Variants in ABCC8 observed in about 807,000 individuals in gnomAD.
ABCC8 encodes the protein ATP-binding cassette sub-family C member 8.
Under a neutral mutation model 188.0 loss-of-function variants are expected in ABCC8, and 137 were observed. The ratio of observed to expected loss-of-function variants is 0.73; its 90% CI spans 0.63 to 0.84. The LOEUF is 0.84. Ranked by LOEUF, ABCC8 falls within the 40% of genes least tolerant of loss-of-function variation. ABCC8 has a pLI of 0.00. For synonymous variants in ABCC8, 797 were observed against 846.5 expected (o/e 0.94, Z 1.01); for missense variants, 1,750 against 2,072.7 (o/e 0.84, Z 3.02).
rs1953707498 is a variant in ABCC8 at position 17,393,033 on chromosome 11, C to T, written c.4704G>A (p.Arg1568=). The T allele has an allele frequency of 3.1e-6, 5 of 1,614,078 alleles. No individual in the cohort carries two copies. Among genetic ancestry groups the T allele is most frequent in the Non-Finnish European group, 4.2e-6 (5 of 1,180,062 alleles). ...CGAAGGAGGCGAAGACGCTGTCCTT[C>T]CGGCTGAGCAGCTTCTCTGGCTTAT... ...EFDKPEKLLS[R]KDSVFASFVR... The change falls in exon 39 of 39, where the codon CGG becomes CGA. Residue 1568 remains arginine, a synonymous_variant. Transcript: ENST00000389817.
At position 17,398,410 on chromosome 11, in the gene ABCC8, C is replaced by T. The variant is rs758995284; in HGVS notation, c.3682G>A (p.Glu1228Lys). 2.4e-5 allele frequency: 38 copies of T among 1,613,982 alleles called. No individual in the cohort carries two copies. Among genetic ancestry groups the T allele is most frequent in the East Asian group, 1.1e-4 (5 of 44,896 alleles). Reference protein sequence around the residue: ...YEARFQQKLLEYTDSNNIASL... With the variant: ...YEARFQQKLLKYTDSNNIASL... ...GCAATGTTGTTGGAGTCTGTGTATT[C>T]GAGAAGCTTCTGCTGGAACCGGGCC... Residue 1228 changes from glutamate to lysine, a missense_variant, in exon 30 of 39, where the codon GAA (glutamate) becomes AAA (lysine). Physicochemically the swap from Glu to Lys is moderately conservative, Grantham distance 56. Transcript: ENST00000389817.
At chr11:17,399,186 T>G (rs56731620) in intron 29 of ABCC8, 27,145 of 141,816 alleles carry the variant, frequency 0.19, 4,317 homozygotes, top group African/African-American at 0.45. Flanking sequence ...GAAGCCAGGA[T>G]AATTGCTTGA....
At chr11:17,437,091 CAAAAAAAAAAAA>C (rs71047551) in intron 10 of ABCC8, among the ~76,000 whole-genome samples, 3 of 55,060 alleles carry the variant, frequency 5.4e-5, no homozygotes, top group African/African-American at 6.9e-5. Flanking sequence ...AACTCTGTCT[CAAAAAAAAAAAA>C]AAAAAAAAAA....
chr11:17,475,492 G>C (rs1848711951), intron 1 of ABCC8, among the ~76,000 whole-genome samples: 1 of 152,174 alleles, frequency 6.6e-6, no homozygotes, highest in South Asian at 2.1e-4. Context: ...CCAAAATGCT[G>C]AGATTACAGA....
rs4148637 is a variant in ABCC8 at position 17,404,390 on chromosome 11, GTTTT to G, written c.3557+118_3557+121del. ...GGATATTTCTATTTCCTTCATTTCT[GTTTT>G]TTGTTTTTATTTTTTGGAGGGAACA... On this transcript the variant is annotated intron_variant, in intron 28 of 38. Coordinates refer to ENST00000389817, the MANE Select transcript of ABCC8 (RefSeq NM_000352.6). This position sits in a 1 kb window ranked among gnomAD's most constrained non-coding sequence, Gnocchi z 4.7. 0.045 allele frequency: 47,095 copies of G among 1,057,722 alleles called. 2,189 individuals carry two copies. The highest frequency in any genetic ancestry group is 0.2 in the African/African-American group (12,832 of 64,026). 65.5% of individuals were successfully genotyped at this position (1,057,722 alleles called of 1,614,324 possible).
chr11:17,393,125 G>T lies in ABCC8; in HGVS notation c.4612C>A (p.Arg1538=). Residue 1538 remains arginine (R), a synonymous_variant, in exon 39 of 39, where the codon CGA becomes AGA. Transcript: ENST00000389817. ...ADRTVVTIAH[R]VHTILSADLV... is the part of the protein sequence containing the mutation. ...TCTGCACTCAGGATGGTGTGCACTCGATGCTGGGCAGGGCAGGAGGGGGCG... is the reference window on the plus strand; with the variant it reads ...TCTGCACTCAGGATGGTGTGCACTCTATGCTGGGCAGGGCAGGAGGGGGCG... 3 of 1,610,772 alleles carry T rather than the reference G, an allele frequency of 1.9e-6. No homozygotes were observed. Among genetic ancestry groups the T allele is most frequent in the Non-Finnish European group, 2.5e-6 (3 of 1,178,080 alleles).
rs1048099 is a variant in ABCC8, at chr11:17,474,969, A to G, written c.207T>C (p.Pro69=). The stretch of plus-strand genomic sequence containing the variant: ...TCAGGATCCACCGCAGGTTGTGCCC[A>G]GGGAAATGAAGCCATGTGCTGTGGT... ...HIHHSTWLHF[P]GHNLRWILTF... Residue 69 remains proline (P), a synonymous_variant, in exon 2 of 39, where the codon CCT becomes CCC. Transcript: ENST00000389817. 781,572 of 1,613,814 alleles carry G rather than the reference A, an allele frequency of 0.48. 191,759 individuals carry two copies. Among genetic ancestry groups the G allele is most frequent in the Middle Eastern group, 0.61 (3,675 of 6,062 alleles).
In ABCC8 at chr11:17,447,511, G is replaced by C. The variant is rs188860313; in HGVS notation, c.1332+1005C>G. 1.4e-4 allele frequency among the ~76,000 whole-genome samples: 22 copies of C among 152,152 alleles called. No individual in the cohort carries two copies. In the East Asian group the frequency reaches 3.9e-3, roughly 27 times the overall value. On this transcript the variant is annotated intron_variant, in intron 8 of 38. Transcript: ENST00000389817. ...CGTGATCATTGCTCACTGCAGCCTT[G>C]AACTCCTGGGGTCAAGCAATCCTTC...
At chr11:17,447,041 C>T (rs1482038822) in intron 8 of ABCC8, among the ~76,000 whole-genome samples, 1 of 152,202 alleles carries the variant, frequency 6.6e-6, no homozygotes, top group African/African-American at 2.4e-5. Flanking sequence ...ACTGAATTGC[C>T]ATAGCAACTC....
At chr11:17,433,236 C>T (rs1224268015) in intron 10 of ABCC8, among the ~76,000 whole-genome samples, 1 of 152,196 alleles carries the variant, frequency 6.6e-6, no homozygotes, top group Admixed American at 6.5e-5. Context: ...GCCACCTTCC[C>T]ATCTATCCTC....
At chr11:17,411,111 C>T (rs569973234) in intron 21 of ABCC8, among the ~76,000 whole-genome samples, 53 of 152,174 alleles carry the variant, frequency 3.5e-4, no homozygotes, top group Non-Finnish European at 7.1e-4. Context: ...TTGTGAACTC[C>T]CACCCATCCT....
At chr11:17,420,305 T>C (rs1397191523) in intron 16 of ABCC8, among the ~76,000 whole-genome samples, 1 of 152,228 alleles carries the variant, frequency 6.6e-6, no homozygotes, top group Non-Finnish European at 1.5e-5. Flanking sequence ...TTACTCATTG[T>C]CCAGACAGTG....
chr11:17,436,167 C>T (rs1956088745), intron 10 of ABCC8: 2 of 744,186 alleles, frequency 2.7e-6, no homozygotes, highest in Admixed American at 3.5e-5. Flanking sequence ...CATGTCTCAG[C>T]AAGAGCACAG....
At chr11:17,448,949 C>CA (rs1359288214) in intron 7 of ABCC8, among the ~76,000 whole-genome samples, 1 of 152,148 alleles carries the variant, frequency 6.6e-6, no homozygotes, top group Non-Finnish European at 1.5e-5. Context: ...TATTTAGAGA[C>CA]AGAGTCTCGC....
intron 3 of ABCC8, among the ~76,000 whole-genome samples, chr11:17,469,273 G>A (rs1192893867): frequency 6.6e-6 from 1 of 151,980 alleles, no homozygotes; most frequent in Non-Finnish European, 1.5e-5. Context: ...TCTATTTTTA[G>A]TAGAGGTGGG....
intron 2 of ABCC8, among the ~76,000 whole-genome samples, chr11:17,473,540 G>A (rs2133723363): frequency 6.6e-6 from 1 of 152,208 alleles, no homozygotes; most frequent in South Asian, 2.1e-4. Context: ...TCTGATTCCA[G>A]CTCAGGGGGC....
chr11:17,413,330 G>A lies in ABCC8; in HGVS notation c.2475+64C>T, dbSNP rs190440575. 3.2e-4 allele frequency: 502 copies of A among 1,593,328 alleles called. 1 individual carries two copies. The highest frequency in any genetic ancestry group is 4.2e-4 in the Non-Finnish European group (486 of 1,161,054). ...CTAGTTACCCATTGTCCTGAGTAGT[G>A]TCTCAGGGCATGGTAGGTTGGGGGT... On this transcript the variant is annotated intron_variant, in intron 20 of 38. Coordinates refer to ENST00000389817, the MANE Select transcript of ABCC8 (RefSeq NM_000352.6).
intron 1 of ABCC8, among the ~76,000 whole-genome samples, chr11:17,476,113 G>A (rs1848755826): frequency 6.6e-6 from 1 of 152,242 alleles, no homozygotes; most frequent in African/African-American, 2.4e-5. Flanking sequence ...GCCTGGGACT[G>A]TCAGAGATCA....
Position 17,461,702 on chromosome 11 carries a change from C to T in ABCC8, c.703G>A (p.Ala235Thr), listed in dbSNP as rs938611347. 11 of 1,614,054 alleles carry T rather than the reference C, an allele frequency of 6.8e-6. No homozygotes were observed. The highest frequency in any genetic ancestry group is 1.7e-5 in the Admixed American group (1 of 59,998). ...TTCTTGTGGGCAGTCTTGATGAAGG[C>T]GTTCATCCACCAGTAGGTGCCTTTG... is the stretch of plus-strand genomic sequence containing the variant. The part of the protein sequence containing the change: ...LSKGTYWWMN[A>T]FIKTAHKKPI... Residue 235 changes from alanine (A) to threonine (T), a missense_variant, in exon 5 of 39, where the codon GCC becomes ACC. Physicochemically the swap from Ala to Thr is moderately conservative, Grantham distance 58. Coordinates refer to ENST00000389817, the MANE Select transcript of ABCC8 (RefSeq NM_000352.6).
Sources: allele counts gnomAD v4.1 joint callset (sites outside exome capture counted in the v4.1 genomes callset), GRCh38; gene constraint gnomAD v4.1.1; non-coding constraint Gnocchi (gnomAD v3.1); transcripts MANE v1.5; gene names NCBI Gene and HGNC (gene_info 2026-07-23, HGNC 2026-07-21).